BCR: variants seen among roughly 807,000 people sequenced by gnomAD.
BCR encodes the protein breakpoint cluster region protein.
A neutral mutation model predicts 138.6 loss-of-function variants in BCR; 58 were observed. The ratio of observed to expected loss-of-function variants is 0.42; its 90% CI spans 0.34 to 0.52. The LOEUF (loss-of-function observed/expected upper bound fraction) is 0.52, where lower values mean the gene tolerates loss of function less well. Among genes scored for constraint, BCR ranks in the 20% least tolerant of loss-of-function variants. The probability of loss-of-function intolerance (pLI) is 0.06; values close to 1 mark genes in which losing one functional copy is unlikely to be tolerated. For synonymous variants in BCR, 786 were observed against 730.1 expected (o/e 1.08, Z -1.23); for missense variants, 1,599 against 1,727.2 (o/e 0.93, Z 1.32).
At chr22:23,185,481 C>T (rs1177553104) in intron 1 of BCR, among the ~76,000 whole-genome samples, 1 of 151,910 alleles carries the variant, frequency 6.6e-6, no homozygotes, top group East Asian at 2.0e-4. Context: ...CTGGCTAACA[C>T]GGTGAAACCC....
intron 1 of BCR, among the ~76,000 whole-genome samples, chr22:23,237,867 A>G (rs993488033): frequency 1.3e-5 from 2 of 152,212 alleles, no homozygotes; most frequent in Non-Finnish European, 2.9e-5. Context: ...CTCACACTGC[A>G]TCCCCCAGAA....
At chr22:23,262,989 G>C in intron 4 of BCR, 1 of 883,464 alleles carries the variant, frequency 1.1e-6, no homozygotes. Flanking sequence ...TGAGGGGAGC[G>C]TAGGGGCCGG....
At chr22:23,244,079 AGCCCTTAACCT>A (rs951800242) in intron 1 of BCR, among the ~76,000 whole-genome samples, 2 of 152,184 alleles carry the variant, frequency 1.3e-5, no homozygotes, top group African/African-American at 4.8e-5. Context: ...TGTGGTACTG[AGCCCTTAACCT>A]GTGAAGTCTG....
intron 1 of BCR, among the ~76,000 whole-genome samples, chr22:23,240,507 CG>C (rs1224824608): frequency 6.6e-6 from 1 of 151,818 alleles, no homozygotes; most frequent in Non-Finnish European, 1.5e-5. Flanking sequence ...AAAAATCAGC[CG>C]GGCGTGGTGG....
At position 23,206,064 on chromosome 22, in the gene BCR, T is replaced by C. The variant is rs946120518; in HGVS notation, c.1279+23825T>C. The stretch of plus-strand genomic sequence containing the variant: ...CATGAGGATTCTTTCCTCAGAGAAG[T>C]TGCCGGAGGAGGAAAAGCTGGATGA... On this transcript the variant is annotated intron_variant, in intron 1 of 22. Transcript: ENST00000305877. 5.2e-4 allele frequency among the ~76,000 whole-genome samples: 79 copies of C among 152,312 alleles called. 1 individual carries two copies. Among genetic ancestry groups the C allele is most frequent in the Middle Eastern group, 3.4e-3 (1 of 294 alleles).
chr22:23,275,641 G>C (rs2146291289), intron 8 of BCR, among the ~76,000 whole-genome samples: 1 of 152,304 alleles, frequency 6.6e-6, no homozygotes, highest in Middle Eastern at 3.4e-3. Context: ...CCTGGCTCAG[G>C]GCCCCAGAAG....
chr22:23,313,104 TG>T (rs1161418161), intron 20 of BCR, 83 bp downstream of exon 20: 1 of 1,495,860 alleles, frequency 6.7e-7, no homozygotes, highest in Non-Finnish European at 9.0e-7. Context: ...AAGTGAGGTG[TG>T]GGAACCCAAG....
intron 1 of BCR, among the ~76,000 whole-genome samples, chr22:23,213,599 G>A (rs1457187101): frequency 6.6e-6 from 1 of 152,226 alleles, no homozygotes; most frequent in African/African-American, 2.4e-5. Flanking sequence ...AAGGTGGGAA[G>A]ATTGCTTGAA....
At chr22:23,279,799 T>TGTCGTA (rs1415696157) in intron 8 of BCR, among the ~76,000 whole-genome samples, 1 of 152,246 alleles carries the variant, frequency 6.6e-6, no homozygotes, top group Non-Finnish European at 1.5e-5. Context: ...TCCTGGAGCA[T>TGTCGTA]GTCGTAGTCG....
chr22:23,238,704 C>T (rs556371606), intron 1 of BCR, among the ~76,000 whole-genome samples: 2 of 152,236 alleles, frequency 1.3e-5, no homozygotes, highest in East Asian at 3.9e-4. Flanking sequence ...CCTGTGCATC[C>T]ACAACCCCAT....
intron 1 of BCR, among the ~76,000 whole-genome samples, chr22:23,252,759 C>T (rs555993214): frequency 6.6e-6 from 1 of 152,174 alleles, no homozygotes; most frequent in Non-Finnish European, 1.5e-5. Flanking sequence ...GCAACCCAAC[C>T]CCCCTGTATG....
At chr22:23,262,101 T>C (rs1047382927) in intron 4 of BCR, 1 of 34,674 alleles carries the variant, frequency 2.9e-5, no homozygotes, top group Non-Finnish European at 5.3e-5. Context: ...CATCACACCC[T>C]GTGTGCGCCA....
intron 4 of BCR, chr22:23,263,607 G>A: frequency 6.6e-7 from 1 of 1,524,650 alleles, no homozygotes; most frequent in Non-Finnish European, 9.1e-7. Context: ...GGCATGATGA[G>A]GACGTTTGCC....
chr22:23,317,181 C>T lies in BCR; in HGVS notation c.*1659C>T, dbSNP rs28376962. On this transcript the variant is annotated 3_prime_UTR_variant, in exon 23 of 23. Transcript: ENST00000305877. ...TAGGGAGCCTGACAGTGGGGCCATG[C>T]GCCTGACACTCCTCTCTGCTTGTGG... The T allele has an allele frequency of 0.23, 39,194 of 171,646 alleles. 4,895 individuals carry two copies. The highest frequency in any genetic ancestry group is 0.3 in the African/African-American group (9,816 of 32,924). The allele number at this position is 171,646 out of a possible 1,614,324, so 10.6% of individuals were successfully genotyped here. A position where few individuals can be genotyped will look rare whatever the true frequency, so the allele number is the denominator to read the frequency against.
chr22:23,208,265 G>A (rs1276645079), intron 1 of BCR, among the ~76,000 whole-genome samples: 2 of 152,070 alleles, frequency 1.3e-5, no homozygotes, highest in African/African-American at 2.4e-5. Context: ...CTTCCCCCTC[G>A]AGGGCCTTGT....
At chr22:23,216,815 C>T (rs1383897194) in intron 1 of BCR, among the ~76,000 whole-genome samples, 2 of 152,198 alleles carry the variant, frequency 1.3e-5, no homozygotes, top group African/African-American at 2.4e-5. Flanking sequence ...CCTTGTGGTC[C>T]GTCATTGTTC....
intron 1 of BCR, among the ~76,000 whole-genome samples, chr22:23,193,393 G>A (rs1053782139): frequency 4.6e-5 from 7 of 152,264 alleles, no homozygotes; most frequent in African/African-American, 1.7e-4. Context: ...CGTGGGAGTA[G>A]CGGGTGCAGA....
intron 1 of BCR, among the ~76,000 whole-genome samples, chr22:23,189,006 A>G (rs2072381756): frequency 6.6e-6 from 1 of 152,074 alleles, no homozygotes; most frequent in African/African-American, 2.4e-5. Flanking sequence ...AGCTGGGATT[A>G]CAGCTAATTA....
chr22:23,201,697 C>T (rs759661073), intron 1 of BCR, among the ~76,000 whole-genome samples: 4 of 152,134 alleles, frequency 2.6e-5, no homozygotes, highest in African/African-American at 7.2e-5. Flanking sequence ...CCTTGTGATC[C>T]GCCCTCCTCG....
Sources: allele counts gnomAD v4.1 joint callset (sites outside exome capture counted in the v4.1 genomes callset), GRCh38; gene constraint gnomAD v4.1.1; transcripts MANE v1.5; gene names NCBI Gene and HGNC (gene_info 2026-07-23, HGNC 2026-07-21).